The following ARHGAP15 variants were observed in gnomAD, a reference collection of about 807,000 sequenced individuals.
The protein encoded by ARHGAP15 is Rho GTPase activating protein 15.
A neutral mutation model predicts 63.7 loss-of-function variants in ARHGAP15; 51 were observed. The ratio of observed to expected loss-of-function variants is 0.80; its 90% CI spans 0.64 to 1.01. The LOEUF is 1.01. ARHGAP15 is among the 50% of genes least tolerant of loss of function. The pLI is 0.00. For synonymous variants in ARHGAP15, 191 were observed against 193.8 expected (o/e 0.99, Z 0.12); for missense variants, 560 against 564.6 (o/e 0.99, Z 0.08).
chr2:143,180,935 G>A (rs1380454353), intron 2 of ARHGAP15, among the ~76,000 whole-genome samples: 3 of 152,152 alleles, frequency 2.0e-5, no homozygotes, highest in East Asian at 3.8e-4. Flanking sequence ...GCCTCCCAAA[G>A]TGCTGGGATT....
intron 13 of ARHGAP15, among the ~76,000 whole-genome samples, chr2:143,704,534 A>G (rs1451892052): frequency 1.3e-5 from 2 of 152,210 alleles, no homozygotes; most frequent in Non-Finnish European, 2.9e-5. Flanking sequence ...GTAAAACTGC[A>G]GAGAGGAACA....
chr2:143,398,990 T>C (rs180765432), intron 6 of ARHGAP15, among the ~76,000 whole-genome samples: 20 of 152,196 alleles, frequency 1.3e-4, no homozygotes, highest in Admixed American at 5.3e-4. Context: ...TTTTGTTCTG[T>C]TATCCAGGCT....
chr2:143,614,775 G>A (rs1698393304), intron 11 of ARHGAP15, among the ~76,000 whole-genome samples: 2 of 152,136 alleles, frequency 1.3e-5, no homozygotes, highest in South Asian at 2.1e-4. Context: ...GGAGTGATGG[G>A]GTTCTCAGGC....
At chr2:143,549,015 G>C (rs1358890028) in intron 10 of ARHGAP15, among the ~76,000 whole-genome samples, 2 of 152,126 alleles carry the variant, frequency 1.3e-5, no homozygotes, top group Non-Finnish European at 2.9e-5. Context: ...AACATGAAAT[G>C]AGAGATGTAC....
At chr2:143,264,007 C>T (rs1411487661) in intron 6 of ARHGAP15, among the ~76,000 whole-genome samples, 2 of 128,396 alleles carry the variant, frequency 1.6e-5, no homozygotes. Context: ...TTTCATCATT[C>T]ATCAGCTGGC....
intron 13 of ARHGAP15, among the ~76,000 whole-genome samples, chr2:143,748,967 AT>A (rs906054723): frequency 6.3e-4 from 95 of 150,718 alleles, no homozygotes; most frequent in Middle Eastern, 3.4e-3. Flanking sequence ...AGAATATCTG[AT>A]TTTTTTTTTC....
intron 9 of ARHGAP15, among the ~76,000 whole-genome samples, chr2:143,500,308 A>G (rs1212092141): frequency 6.6e-6 from 1 of 151,530 alleles, no homozygotes; most frequent in Non-Finnish European, 1.5e-5. Context: ...GATTAAAAGC[A>G]TCAATCTACA....
At chr2:143,137,063 A>T (rs1689173853) in intron 1 of ARHGAP15, among the ~76,000 whole-genome samples, 1 of 152,110 alleles carries the variant, frequency 6.6e-6, no homozygotes. Context: ...AACTCTTTTA[A>T]TATAATATTC....
At chr2:143,378,666 A>G (rs1302329850) in intron 6 of ARHGAP15, among the ~76,000 whole-genome samples, 2 of 152,096 alleles carry the variant, frequency 1.3e-5, no homozygotes, top group Non-Finnish European at 2.9e-5. Context: ...TTCTGCTAAA[A>G]GTAGAAACAT....
intron 1 of ARHGAP15, among the ~76,000 whole-genome samples, chr2:143,136,389 A>T (rs1299932443): frequency 6.6e-6 from 1 of 152,034 alleles, no homozygotes; most frequent in African/African-American, 2.4e-5. Context: ...TGAATACAGC[A>T]CAACATGACA....
At chr2:143,393,341 T>C (rs1687615290) in intron 6 of ARHGAP15, among the ~76,000 whole-genome samples, 2 of 152,144 alleles carry the variant, frequency 1.3e-5, no homozygotes, top group Non-Finnish European at 2.9e-5. Context: ...ATTATTAATA[T>C]TATTAAGAAG....
intron 13 of ARHGAP15, among the ~76,000 whole-genome samples, chr2:143,739,361 G>T (rs1385574319): frequency 6.6e-6 from 1 of 151,934 alleles, no homozygotes. Flanking sequence ...AAGCAGAAAG[G>T]CCATTTGGGA....
chr2:143,487,391 G>C lies in ARHGAP15; in HGVS notation c.722G>C (p.Ser241Thr). The change falls in exon 9 of 14, where the codon AGT (serine) becomes ACT (threonine). Residue 241 changes from serine to threonine, a missense_variant. Ser to Thr is a moderately conservative substitution (Grantham distance 58, BLOSUM62 1). Transcript: ENST00000295095. The stretch of plus-strand genomic sequence containing the variant: ...TCTTCAGTGTTCAGACTGCATCACA[G>C]TGCTTCCGATACAAGCGACAAAAAT... ...RKSLMFRLHH[S>T]ASDTSDKNRV... 1 of 1,613,514 alleles carries C rather than the reference G, an allele frequency of 6.2e-7. No individual in the cohort carries two copies. Among genetic ancestry groups the C allele is most frequent in the Non-Finnish European group, 8.5e-7 (1 of 1,179,810 alleles).
chr2:143,535,288 C>T (rs1694703551), intron 10 of ARHGAP15, among the ~76,000 whole-genome samples: 1 of 152,154 alleles, frequency 6.6e-6, no homozygotes, highest in South Asian at 2.1e-4. Context: ...TACTTGCCCC[C>T]TTATTCTCCA....
intron 11 of ARHGAP15, among the ~76,000 whole-genome samples, chr2:143,573,453 ATT>A (rs1696543999): frequency 7.3e-6 from 1 of 137,536 alleles, no homozygotes; most frequent in Non-Finnish European, 1.7e-5. Flanking sequence ...TAACTAAATA[ATT>A]TAATAATAAA....
intron 11 of ARHGAP15, among the ~76,000 whole-genome samples, chr2:143,573,731 T>C (rs138624319): frequency 0.016 from 2,512 of 152,250 alleles, 217 homozygotes; most frequent in Admixed American, 0.15. Context: ...GAAGCAGTAA[T>C]TGGAAATTTT....
chr2:143,571,611 G>A (rs4233568), intron 11 of ARHGAP15, among the ~76,000 whole-genome samples: 119,882 of 152,072 alleles, frequency 0.79, 47,342 homozygotes, highest in African/African-American at 0.81. Flanking sequence ...TTAAATAGCA[G>A]CAGGTATTGG....
intron 9 of ARHGAP15, among the ~76,000 whole-genome samples, chr2:143,494,254 C>T (rs1176088093): frequency 6.6e-6 from 1 of 151,966 alleles, no homozygotes; most frequent in Non-Finnish European, 1.5e-5. Context: ...GTTATCTTTT[C>T]TCAAATTTTG....
chr2:143,404,813 T>C (rs1688130050), intron 6 of ARHGAP15, among the ~76,000 whole-genome samples: 2 of 151,888 alleles, frequency 1.3e-5, no homozygotes, highest in Admixed American at 1.3e-4. Flanking sequence ...ATTGAGTTTA[T>C]AAAATAAGAA....
Sources: gnomAD v4.1 joint callset for allele counts (sites outside exome capture counted in the v4.1 genomes callset) on GRCh38, gnomAD v4.1.1 for gene constraint, MANE v1.5 for transcripts, NCBI Gene and HGNC (gene_info 2026-07-23, HGNC 2026-07-21) for gene names.